The following COL23A1 variants were observed in gnomAD, a reference collection of about 807,000 sequenced individuals.
The protein encoded by COL23A1 is collagen type XXIII alpha 1 chain.
COL23A1 carries 97 observed loss-of-function variants against 99.3 expected under a neutral mutation model. That is an observed-to-expected ratio of 0.98 (90% CI 0.83 to 1.16). The LOEUF is 1.16. Among genes scored for constraint, COL23A1 ranks in the 50% most tolerant of loss-of-function variants. COL23A1 has a pLI of 0.00. For synonymous variants in COL23A1, 320 were observed against 308.2 expected (o/e 1.04, Z -0.40); for missense variants, 762 against 757.4 (o/e 1.01, Z -0.07).
intron 1 of COL23A1, among the ~76,000 whole-genome samples, chr5:178,572,017 G>A (rs1051233699): frequency 2.1e-5 from 3 of 143,088 alleles, no homozygotes; most frequent in Non-Finnish European, 4.5e-5. Flanking sequence ...GCAATGAGCC[G>A]AGATTGCGCC....
intron 2 of COL23A1, among the ~76,000 whole-genome samples, chr5:178,506,328 C>A (rs1046619253): frequency 6.6e-6 from 1 of 152,224 alleles, no homozygotes; most frequent in Non-Finnish European, 1.5e-5. Flanking sequence ...CACACCACTG[C>A]AGCCTGCACA....
chr5:178,517,546 C>T (rs1371997575), intron 2 of COL23A1, among the ~76,000 whole-genome samples: 3 of 108,994 alleles, frequency 2.8e-5, no homozygotes, highest in Admixed American at 1.0e-4. Context: ...CTCAGACTCT[C>T]GGTGACAGCA....
chr5:178,502,387 T>C (rs1360418042), intron 2 of COL23A1, among the ~76,000 whole-genome samples: 1 of 152,194 alleles, frequency 6.6e-6, no homozygotes, highest in African/African-American at 2.4e-5. Context: ...CGCCTCGGCC[T>C]CCCAAAGTGC....
At chr5:178,422,575 C>T (rs1165619356) in intron 2 of COL23A1, among the ~76,000 whole-genome samples, 1 of 152,160 alleles carries the variant, frequency 6.6e-6, no homozygotes, top group Non-Finnish European at 1.5e-5. Flanking sequence ...CCCTGAGCCA[C>T]AGCAACCCAG....
At chr5:178,302,670 A>G (rs1758138276) in intron 3 of COL23A1, among the ~76,000 whole-genome samples, 1 of 152,246 alleles carries the variant, frequency 6.6e-6, no homozygotes, top group Non-Finnish European at 1.5e-5. Flanking sequence ...GAGCTTTTCA[A>G]AGCTCCTTTG....
chr5:178,301,397 C>G (rs1050039006), intron 3 of COL23A1, among the ~76,000 whole-genome samples: 3 of 152,194 alleles, frequency 2.0e-5, no homozygotes, highest in African/African-American at 7.2e-5. Flanking sequence ...TTTATAATAA[C>G]CAATACTACA....
At chr5:178,505,783 G>C (rs1054021673) in intron 2 of COL23A1, among the ~76,000 whole-genome samples, 8 of 152,166 alleles carry the variant, frequency 5.3e-5, no homozygotes, top group Admixed American at 3.9e-4. Flanking sequence ...CTATGGTGGG[G>C]ACTTGGGAGG....
chr5:178,291,647 G>A (rs1168037967), intron 3 of COL23A1, among the ~76,000 whole-genome samples: 1 of 152,012 alleles, frequency 6.6e-6, no homozygotes, highest in East Asian at 1.9e-4. Context: ...GGGTGAAGGG[G>A]AGTCAGCGAA....
intron 2 of COL23A1, among the ~76,000 whole-genome samples, chr5:178,360,831 G>A (rs558570381): frequency 3.3e-5 from 5 of 152,300 alleles, no homozygotes; most frequent in South Asian, 4.1e-4. Flanking sequence ...AGAGCTCCAC[G>A]TCCCTGGGCG....
At chr5:178,268,513 C>G (rs1756036608) in intron 7 of COL23A1, among the ~76,000 whole-genome samples, 1 of 152,170 alleles carries the variant, frequency 6.6e-6, no homozygotes, top group African/African-American at 2.4e-5. Context: ...CAGGAGAACT[C>G]AAGACTCAAC....
At chr5:178,383,750 T>A (rs1335769606) in intron 2 of COL23A1, among the ~76,000 whole-genome samples, 1 of 152,036 alleles carries the variant, frequency 6.6e-6, no homozygotes, top group African/African-American at 2.4e-5. Context: ...GGGGTGAGGT[T>A]TTGGGGCATC....
At chr5:178,320,104 G>A (rs1361237778) in intron 2 of COL23A1, among the ~76,000 whole-genome samples, 2 of 105,402 alleles carry the variant, frequency 1.9e-5, no homozygotes, top group Non-Finnish European at 5.0e-5. Context: ...TCATGCATTT[G>A]TTGTCACATT....
At chr5:178,269,354 C>T (rs865978457) in intron 6 of COL23A1, among the ~76,000 whole-genome samples, 8 of 43,080 alleles carry the variant, frequency 1.9e-4, no homozygotes, top group Admixed American at 4.7e-4. Context: ...CATCCACCCA[C>T]CCACCCATCC....
intron 2 of COL23A1, among the ~76,000 whole-genome samples, chr5:178,518,860 TCGCCGGCG>T (rs1462170682): frequency 1.3e-5 from 2 of 149,132 alleles, no homozygotes; most frequent in African/African-American, 4.9e-5. Flanking sequence ...CGGGCGGCGC[TCGCCGGCG>T]CGGCGGCAAA....
At position 178,340,260 on chromosome 5, in the gene COL23A1, C is replaced by T. The variant is rs1581181053; in HGVS notation, c.362-33341G>A. On this transcript the variant is annotated intron_variant, in intron 2 of 28. Coordinates refer to ENST00000390654, the MANE Select transcript of COL23A1 (RefSeq NM_173465.4). The surrounding 1 kb of genome is among the most constrained non-coding windows in gnomAD (Gnocchi z 4.7). The stretch of plus-strand genomic sequence containing the variant: ...CTGAGAACAAGGACACCTTTCTGAC[C>T]AGCAATAAGCCTCACCAAAAAATGT... 6.6e-6 allele frequency among the ~76,000 whole-genome samples: 1 copy of T among 152,246 alleles called. No homozygotes were observed. The highest frequency in any genetic ancestry group is 1.5e-5 in the Non-Finnish European group (1 of 68,016).
chr5:178,409,018 A>ACG (rs1450919967), intron 2 of COL23A1, among the ~76,000 whole-genome samples: 4,683 of 119,082 alleles, frequency 0.039, 107 homozygotes, highest in Non-Finnish European at 0.046. Context: ...ACACACACAC[A>ACG]CACATCATGT....
intron 13 of COL23A1, 99 bp from the exon 14 acceptor site, chr5:178,257,027 T>A: frequency 4.8e-6 from 5 of 1,045,144 alleles, no homozygotes; most frequent in Non-Finnish European, 4.3e-6. Context: ...GCCTCGCGAT[T>A]AGGCCTCCTG....
intron 2 of COL23A1, among the ~76,000 whole-genome samples, chr5:178,505,565 T>C (rs1758819520): frequency 6.6e-6 from 1 of 152,142 alleles, no homozygotes; most frequent in Non-Finnish European, 1.5e-5. Flanking sequence ...ATTTCCCTCT[T>C]TCATGAGGCC....
intron 8 of COL23A1, 31 bp downstream of exon 8, chr5:178,267,276 G>A (rs747265905): frequency 6.2e-7 from 1 of 1,612,702 alleles, no homozygotes; most frequent in African/African-American, 1.3e-5. Flanking sequence ...AAACCATGTG[G>A]GCAGTGAGGG....
Sources: allele counts gnomAD v4.1 joint callset (sites outside exome capture counted in the v4.1 genomes callset), GRCh38; gene constraint gnomAD v4.1.1; non-coding constraint Gnocchi (gnomAD v3.1); transcripts MANE v1.5; gene names NCBI Gene and HGNC (gene_info 2026-07-23, HGNC 2026-07-21).